Variants in CCDC47 observed in about 807,000 individuals in gnomAD.
The protein encoded by CCDC47 is coiled-coil domain containing 47, also known as PAT complex subunit CCDC47.
CCDC47 carries 41 observed loss-of-function variants against 60.5 expected under a neutral mutation model. The ratio of observed to expected loss-of-function variants is 0.68; its 90% CI spans 0.53 to 0.88. The LOEUF (loss-of-function observed/expected upper bound fraction) is 0.88, where lower values mean the gene tolerates loss of function less well. Ranked by LOEUF, CCDC47 falls within the 40% of genes least tolerant of loss-of-function variation. The probability of loss-of-function intolerance (pLI) is 0.00; values close to 1 mark genes in which losing one functional copy is unlikely to be tolerated. For synonymous variants in CCDC47, 195 were observed against 190.7 expected, an observed-to-expected ratio of 1.02 and a Z score of -0.18; for missense variants, 513 against 580.9, an observed-to-expected ratio of 0.88 and a Z score of 1.20.
chr17:63,751,988 C>A lies in CCDC47; in HGVS notation c.1323G>T (p.Lys441Asn), dbSNP rs2039169868. 6.2e-7 allele frequency: 1 copy of A among 1,613,474 alleles called. No homozygotes were observed. Among genetic ancestry groups the A allele is most frequent in the African/African-American group, 1.3e-5 (1 of 74,856 alleles). ...GATCTTCCTCATTCATGATTCGCTC[C>A]TTCTCTGCTCTTTTTTTCTCCTCCC... is the stretch of plus-strand genomic sequence containing the variant. ...SRREEKKRAE[K>N]ERIMNEEDPE... The change falls in exon 12 of 13, where the codon AAG becomes AAT. Residue 441 changes from lysine (K) to asparagine (N), a missense_variant. Transcript: ENST00000225726.
rs1408283722 is a variant in CCDC47, at chr17:63,755,379, G to C, written c.948+861C>G. ...TCATGCCTGTAATCCAAGCGCTTTG[G>C]GAGGCCAAGGTGGGTGGATCACTTG... On this transcript the variant is annotated intron_variant, in intron 8 of 12. Transcript: ENST00000225726. 3.7e-6 allele frequency: 3 copies of C among 806,536 alleles called. No homozygotes were observed. The African/African-American group carries it at 5.6e-5, about 15-fold the overall frequency. 50.0% of individuals were successfully genotyped at this position (806,536 alleles called of 1,614,324 possible).
At chr17:63,751,456 A>T (rs1054001407) in intron 12 of CCDC47, among the ~76,000 whole-genome samples, 1 of 150,332 alleles carries the variant, frequency 6.7e-6, no homozygotes, top group South Asian at 2.1e-4. Context: ...GATCATACCG[A>T]GCTTTCAAAT....
chr17:63,751,874 A>G (rs780359204), intron 12 of CCDC47, 66 bp downstream of exon 12: 2 of 1,564,742 alleles, frequency 1.3e-6, no homozygotes, highest in East Asian at 2.2e-5. Flanking sequence ...TACCTTAACA[A>G]CCAACAGAAC....
At chr17:63,764,881 C>A in intron 2 of CCDC47, 34 bp from the exon 3 acceptor site, 2 of 1,595,030 alleles carry the variant, frequency 1.3e-6, no homozygotes, top group Non-Finnish European at 1.7e-6. Context: ...TTTTCCTCTA[C>A]AAATGTCACC....
intron 6 of CCDC47, among the ~76,000 whole-genome samples, chr17:63,760,633 G>A (rs548297505): frequency 1.2e-4 from 19 of 152,264 alleles, no homozygotes; most frequent in Admixed American, 9.2e-4. Context: ...GAGGTCAGGA[G>A]TTCGAGACTG....
At chr17:63,747,613 C>T in intron 12 of CCDC47, 1 of 985,250 alleles carries the variant, frequency 1.0e-6, no homozygotes, top group Non-Finnish European at 1.2e-6. Flanking sequence ...TATGACTTCA[C>T]TGTTGGCCAC....
intron 1 of CCDC47, among the ~76,000 whole-genome samples, chr17:63,771,994 AT>A (rs2039345658): frequency 1.3e-4 from 20 of 152,038 alleles, no homozygotes; most frequent in Admixed American, 1.3e-3. Flanking sequence ...AGGCAGGAGA[AT>A]CGCTTGAACC....
intron 12 of CCDC47, 131 bp from the exon 13 acceptor site, chr17:63,747,092 T>A: frequency 7.1e-7 from 1 of 1,411,118 alleles, no homozygotes; most frequent in Non-Finnish European, 9.3e-7. Flanking sequence ...AACTTAGGCT[T>A]GCACCATAAC....
At chr17:63,765,410 A>G (rs1268334396) in intron 2 of CCDC47, among the ~76,000 whole-genome samples, 1 of 151,502 alleles carries the variant, frequency 6.6e-6, no homozygotes, top group Non-Finnish European at 1.5e-5. Context: ...GCTCAATCTC[A>G]GCTCACTGCA....
At chr17:63,766,854 G>C in intron 1 of CCDC47, 1 of 980,906 alleles carries the variant, frequency 1.0e-6, no homozygotes, top group Non-Finnish European at 1.2e-6. Context: ...AAAAATGAAG[G>C]AATAAGATGT....
chr17:63,771,366 G>C (rs897317448), intron 1 of CCDC47, among the ~76,000 whole-genome samples: 1 of 152,168 alleles, frequency 6.6e-6, no homozygotes, highest in Non-Finnish European at 1.5e-5. Context: ...TAAGGGACTT[G>C]AGTATCCATG....
At chr17:63,750,123 C>T (rs2039152002) in intron 12 of CCDC47, among the ~76,000 whole-genome samples, 1 of 152,132 alleles carries the variant, frequency 6.6e-6, no homozygotes, top group Non-Finnish European at 1.5e-5. Flanking sequence ...TTTACATCGA[C>T]AAGAAGCTTA....
chr17:63,766,067 T>C lies in CCDC47; in HGVS notation c.109A>G (p.Asn37Asp). 6.2e-7 allele frequency: 1 copy of C among 1,614,094 alleles called. No individual in the cohort carries two copies. Among genetic ancestry groups the C allele is most frequent in the Non-Finnish European group, 8.5e-7 (1 of 1,180,008 alleles). The change falls in exon 2 of 13, where the codon AAT (asparagine) becomes GAT (aspartate). Residue 37 changes from asparagine (N) to aspartate (D), a missense_variant. Physicochemically the swap from Asn to Asp is conservative, Grantham distance 23. Transcript: ENST00000225726. ...ACATCCTCAAATTCAGCGAAGTCATTATCATCATACTCTACTATGTCCTCC... is the reference window on the plus strand; with the variant it reads ...ACATCCTCAAATTCAGCGAAGTCATCATCATCATACTCTACTATGTCCTCC... ...DEEDIVEYDD[N>D]DFAEFEDVME...
chr17:63,767,469 CA>C (rs1013688865), intron 1 of CCDC47, among the ~76,000 whole-genome samples: 5 of 143,706 alleles, frequency 3.5e-5, no homozygotes, highest in Non-Finnish European at 6.1e-5. Flanking sequence ...TAAGGCTTTA[CA>C]AAAAAAAAAG....
At chr17:63,762,950 C>T (rs1221074008) in intron 4 of CCDC47, among the ~76,000 whole-genome samples, 1 of 152,148 alleles carries the variant, frequency 6.6e-6, no homozygotes. Flanking sequence ...GAAACAGGGT[C>T]TCATTCTGTC....
intron 4 of CCDC47, chr17:63,762,122 AT>A: frequency 1.0e-6 from 1 of 984,630 alleles, no homozygotes; most frequent in Non-Finnish European, 1.2e-6. Context: ...TACTAATGGT[AT>A]TAAGAGTTGT....
chr17:63,758,262 G>A (rs2039222679), intron 6 of CCDC47, among the ~76,000 whole-genome samples: 2 of 152,222 alleles, frequency 1.3e-5, no homozygotes, highest in African/African-American at 2.4e-5. Flanking sequence ...TTGGTCAGAA[G>A]TCCAGATGGT....
At chr17:63,751,809 A>G (rs2039167804) in intron 12 of CCDC47, 131 bp downstream of exon 12, 4 of 807,484 alleles carry the variant, frequency 5.0e-6, no homozygotes, top group South Asian at 4.3e-5. Context: ...AGTGTTATCA[A>G]TTGATACAAT....
At chr17:63,766,906 A>G (rs2039301974) in intron 1 of CCDC47, 1 of 983,148 alleles carries the variant, frequency 1.0e-6, no homozygotes, top group South Asian at 4.7e-5. Flanking sequence ...ATCCATGAAT[A>G]AAAAAGCCAT....
Sources: allele counts gnomAD v4.1 joint callset (sites outside exome capture counted in the v4.1 genomes callset), GRCh38; gene constraint gnomAD v4.1.1; transcripts MANE v1.5; gene names NCBI Gene and HGNC (gene_info 2026-07-23, HGNC 2026-07-21).